COL4A5: variants seen among roughly 807,000 people sequenced by gnomAD.
COL4A5 encodes the protein collagen alpha-5(IV) chain.
Under a neutral mutation model 130.2 loss-of-function variants are expected in COL4A5, and 26 were observed. The ratio of observed to expected loss-of-function variants is 0.20; its 90% CI spans 0.15 to 0.28. The LOEUF is 0.28. Among genes scored for constraint, COL4A5 ranks in the 10% least tolerant of loss-of-function variants. COL4A5 has a pLI of 1.00. For missense variants in COL4A5, 1,131 were observed against 1,344.3 expected (o/e 0.84, Z 2.48); for synonymous variants, 496 against 439.6 (o/e 1.13, Z -1.60).
intron 1 of COL4A5, among the ~76,000 whole-genome samples, chrX:108,477,305 C>T (rs2064842384): frequency 9.0e-6 from 1 of 111,609 alleles, no homozygotes; most frequent in Non-Finnish European, 1.9e-5. Context: ...CAAATAAAGA[C>T]AATAATAAGG....
intron 1 of COL4A5, among the ~76,000 whole-genome samples, chrX:108,524,623 C>A (rs2065295796): frequency 9.0e-6 from 1 of 110,805 alleles, no homozygotes; most frequent in Non-Finnish European, 1.9e-5. Flanking sequence ...TTAATATAGG[C>A]AGTTACTGCT....
At chrX:108,475,364 G>C (rs1603251181) in intron 1 of COL4A5, among the ~76,000 whole-genome samples, 1 of 111,042 alleles carries the variant, frequency 9.0e-6, no homozygotes, top group Middle Eastern at 4.2e-3. Context: ...CACAATTATG[G>C]TGTCTTTGAA....
At chrX:108,500,613 A>C (rs1466661729) in intron 1 of COL4A5, among the ~76,000 whole-genome samples, 1 of 111,961 alleles carries the variant, frequency 8.9e-6, no homozygotes, top group Admixed American at 9.5e-5. Flanking sequence ...TGATGGCTCC[A>C]GTTTTTCAGG....
rs533094285 is a variant in COL4A5 at position 108,522,133 on chromosome X, C to T, written c.82-17613C>T. 1.3e-4 allele frequency among the ~76,000 whole-genome samples: 15 copies of T among 111,225 alleles called. No individual in the cohort carries two copies. The East Asian group carries it at 2.3e-3, about 17-fold the overall frequency. On this transcript the variant is annotated intron_variant, in intron 1 of 52. Transcript: ENST00000328300. ...GGTTCATCCATGCTGTAGCATAAAT[C>T]GGTACTTCATTCCTCTTTATTGCCA...
At chrX:108,692,724 T>G (rs760954343) in intron 49 of COL4A5, 24 bp from the exon 50 acceptor site, 1 of 1,205,338 alleles carries the variant, frequency 8.3e-7, no homozygotes, top group South Asian at 1.8e-5. Context: ...AGTCCTTTAC[T>G]GTTTTCTCTC....
intron 1 of COL4A5, among the ~76,000 whole-genome samples, chrX:108,506,139 G>T (rs921560974): frequency 1.8e-5 from 2 of 111,639 alleles, no homozygotes; most frequent in African/African-American, 6.5e-5. Flanking sequence ...GTCTTTAAAA[G>T]CTTTCTTATT....
Position 108,569,357 on chromosome X carries a change from A to G in COL4A5, c.384+536A>G, listed in dbSNP as rs190541070. Reference sequence around the variant, plus strand: ...TTCATCAGCAAAGATGATACATTTAACAATTTTAAATAACCCTAACTTTAG... The same window carrying G: ...TTCATCAGCAAAGATGATACATTTAGCAATTTTAAATAACCCTAACTTTAG... On this transcript the variant is annotated intron_variant, in intron 6 of 52. Transcript: ENST00000328300. Among the ~76,000 whole-genome samples, 573 of 112,253 alleles carry G rather than the reference A, an allele frequency of 5.1e-3. 3 individuals carry two copies. Among genetic ancestry groups the G allele is most frequent in the Non-Finnish European group, 8.7e-3 (465 of 53,199 alleles).
intron 1 of COL4A5, among the ~76,000 whole-genome samples, chrX:108,523,012 G>A (rs2065279641): frequency 9.2e-6 from 1 of 108,246 alleles, no homozygotes; most frequent in Non-Finnish European, 1.9e-5. Context: ...TGAGTAGCTG[G>A]AATTACAGGT....
At chrX:108,672,637 C>CA (rs1188582717) in intron 42 of COL4A5, among the ~76,000 whole-genome samples, 15 of 109,907 alleles carry the variant, frequency 1.4e-4, no homozygotes, top group East Asian at 2.8e-4. Flanking sequence ...GGACCTCATA[C>CA]AAAAAAAAAT....
chrX:108,680,336 G>T (rs2147979366), intron 44 of COL4A5, among the ~76,000 whole-genome samples: 1 of 111,706 alleles, frequency 9.0e-6, no homozygotes, highest in African/African-American at 3.3e-5. Flanking sequence ...CCAGTTGGTT[G>T]TGTTTTAACT....
In COL4A5 at chrX:108,602,961, C is replaced by T. The variant is rs104886345; in HGVS notation, c.2147-3C>T. Reference sequence around the variant, plus strand: ...GGTTAAAAAATGACTTATCATTTTACAGGCTTTCCTGGAATTCCAGGACCT... The same window carrying T: ...GGTTAAAAAATGACTTATCATTTTATAGGCTTTCCTGGAATTCCAGGACCT... On this transcript the variant is annotated splice_polypyrimidine_tract_variant and splice_region_variant and intron_variant, in intron 27 of 52. Coordinates refer to ENST00000328300, the MANE Select transcript of COL4A5 (RefSeq NM_033380.3). 2.0e-5 allele frequency: 23 copies of T among 1,163,201 alleles called. No individual in the cohort carries two copies. The highest frequency in any genetic ancestry group is 2.7e-5 in the Non-Finnish European group (23 of 860,803).
At chrX:108,532,173 A>C (rs1390126845) in intron 1 of COL4A5, among the ~76,000 whole-genome samples, 1 of 111,859 alleles carries the variant, frequency 8.9e-6, no homozygotes, top group East Asian at 2.8e-4. Flanking sequence ...GTGAAGATTG[A>C]TTGAAAAACA....
intron 36 of COL4A5, among the ~76,000 whole-genome samples, chrX:108,635,680 A>G (rs1250746425): frequency 8.9e-6 from 1 of 112,151 alleles, no homozygotes; most frequent in Non-Finnish European, 1.9e-5. Context: ...TACAACTATG[A>G]TACCAGCACT....
At chrX:108,607,141 C>T (rs766225458) in intron 29 of COL4A5, among the ~76,000 whole-genome samples, 5 of 110,109 alleles carry the variant, frequency 4.5e-5, no homozygotes, top group Non-Finnish European at 3.8e-5. Flanking sequence ...CCAAGGTGGG[C>T]GGATCACCTG....
intron 9 of COL4A5, 134 bp from the exon 10 acceptor site, chrX:108,575,776 G>A (rs193298099): frequency 7.0e-5 from 33 of 470,667 alleles, no homozygotes; most frequent in African/African-American, 4.8e-4. Context: ...GGCGGAGGTC[G>A]CAGTGAGTTG....
intron 1 of COL4A5, among the ~76,000 whole-genome samples, chrX:108,443,527 A>T (rs2064422477): frequency 8.9e-6 from 1 of 111,805 alleles, no homozygotes; most frequent in South Asian, 3.7e-4. Context: ...TTTTGTACTA[A>T]TTTGCCTACC....
chrX:108,624,386 G>T, intron 34 of COL4A5, 52 bp downstream of exon 34: 1 of 880,395 alleles, frequency 1.1e-6, no homozygotes, highest in Non-Finnish European at 1.7e-6. Context: ...CTGAATTCTG[G>T]ATAAATAATT....
At position 108,526,633 on chromosome X, in the gene COL4A5, TTTCTTTCTTTCTTTCTTTCTTTCTTTC is replaced by T. The variant is rs1406948915; in HGVS notation, c.82-13100_82-13074del. On this transcript the variant is annotated intron_variant, in intron 1 of 52. Transcript: ENST00000328300. ...CTTTCTTTCTTTCTTTCTTTCTTTC[TTTCTTTCTTTCTTTCTTTCTTTCTTTC>T]TTCTTTCTTTCTCTTTCTTTCTTTC... Among the ~76,000 whole-genome samples the T allele has an allele frequency of 9.3e-4, 62 of 66,786 alleles. 2 individuals carry two copies. The highest frequency in any genetic ancestry group is 4.3e-3 in the African/African-American group (51 of 11,938). 58.0% of individuals were successfully genotyped at this position (66,786 alleles called of 115,157 possible).
rs769103239 is a variant in COL4A5, at chrX:108,449,057, T to C, written c.81+8851T>C. Among the ~76,000 whole-genome samples, 109 of 111,709 alleles carry C rather than the reference T, an allele frequency of 9.8e-4. 1 individual carries two copies. The highest frequency in any genetic ancestry group is 5.3e-3 in the Admixed American group (55 of 10,452). ...AGCACCACCCTGAAAACACCTCTTATTTATCATTGGTTGAAATCGTGTTAT... is the reference window on the plus strand; with the variant it reads ...AGCACCACCCTGAAAACACCTCTTACTTATCATTGGTTGAAATCGTGTTAT... On this transcript the variant is annotated intron_variant, in intron 1 of 52. Transcript: ENST00000328300.
Sources: gnomAD v4.1 joint callset for allele counts (sites outside exome capture counted in the v4.1 genomes callset) on GRCh38, gnomAD v4.1.1 for gene constraint, MANE v1.5 for transcripts, NCBI Gene and HGNC (gene_info 2026-07-23, HGNC 2026-07-21) for gene names.